The following TTC23 variants were observed in gnomAD, a reference collection of about 807,000 sequenced individuals.
TTC23 encodes tetratricopeptide repeat domain 23, also known as tetratricopeptide repeat protein 23.
A neutral mutation model predicts 55.1 loss-of-function variants in TTC23; 58 were observed. That is an observed-to-expected ratio of 1.05 (90% CI 0.85 to 1.31). TTC23 has a LOEUF of 1.31. Ranked by LOEUF, TTC23 falls within the 50% of genes most tolerant of loss-of-function variation. The probability of loss-of-function intolerance (pLI) is 0.00; values close to 1 mark genes in which losing one functional copy is unlikely to be tolerated. For missense variants in TTC23, 516 were observed against 534.4 expected, an observed-to-expected ratio of 0.97 and a Z score of 0.34; for synonymous variants, 203 against 199.9, an observed-to-expected ratio of 1.02 and a Z score of -0.13.
intron 9 of TTC23, among the ~76,000 whole-genome samples, chr15:99,199,662 A>T: frequency 6.6e-6 from 1 of 152,184 alleles, no homozygotes; most frequent in East Asian, 1.9e-4. Flanking sequence ...AATAGATATT[A>T]AAGGATAAAG....
chr15:99,228,474 T>C, intron 5 of TTC23, 59 bp downstream of exon 5: 1 of 1,423,766 alleles, frequency 7.0e-7, no homozygotes, highest in Non-Finnish European at 9.4e-7. Context: ...CTACTTCTCT[T>C]GATTATACCA....
chr15:99,143,684 A>C (rs1452822035), intron 12 of TTC23, among the ~76,000 whole-genome samples: 1 of 152,186 alleles, frequency 6.6e-6, no homozygotes, highest in Non-Finnish European at 1.5e-5. Context: ...GTGAGAAGTC[A>C]CTTGTGTTTC....
chr15:99,169,555 G>A (rs567460923), intron 10 of TTC23, among the ~76,000 whole-genome samples: 1 of 152,260 alleles, frequency 6.6e-6, no homozygotes, highest in South Asian at 2.1e-4. Context: ...TGGAACACAC[G>A]GGGCCCAAGG....
At chr15:99,192,672 T>C (rs2151972048) in intron 9 of TTC23, among the ~76,000 whole-genome samples, 2 of 152,310 alleles carry the variant, frequency 1.3e-5, no homozygotes, top group East Asian at 3.9e-4. Context: ...GCTAGGGCAG[T>C]ACAGAAGGGA....
intron 5 of TTC23, among the ~76,000 whole-genome samples, chr15:99,222,716 G>C (rs1476236304): frequency 6.6e-6 from 1 of 152,176 alleles, no homozygotes; most frequent in African/African-American, 2.4e-5. Flanking sequence ...CACGGTTCCA[G>C]GCTGGGCGTG....
chr15:99,200,284 G>C (rs28517698), intron 8 of TTC23, among the ~76,000 whole-genome samples, 188 bp from the exon 9 acceptor site: 62,783 of 151,864 alleles, frequency 0.41, 12,980 homozygotes, highest in Middle Eastern at 0.55. Flanking sequence ...GGAATCACCA[G>C]GAAGGTTCAA....
At chr15:99,151,277 TG>T in intron 12 of TTC23, 1 of 152,496 alleles carries the variant, frequency 6.6e-6, no homozygotes, top group African/African-American at 2.4e-5. Context: ...GGAAGCACCA[TG>T]TTTTTATAGC....
intron 9 of TTC23, among the ~76,000 whole-genome samples, chr15:99,197,086 T>C (rs1479423962): frequency 6.6e-6 from 1 of 151,964 alleles, no homozygotes; most frequent in Non-Finnish European, 1.5e-5. Flanking sequence ...TCACCTGCTA[T>C]ATAATGTGGT....
In TTC23 at chr15:99,142,712, C is replaced by T. The variant is rs919069619; in HGVS notation, c.1144-3313G>A. On this transcript the variant is annotated intron_variant, in intron 12 of 13. Transcript: ENST00000394132. ...ACAGCATTGGTGAATATGCACGAAT[C>T]CCCGGGAAGAATGAGAAGGCAACTG... Among the ~76,000 whole-genome samples, 17 of 152,146 alleles carry T rather than the reference C, an allele frequency of 1.1e-4. 1 individual carries two copies. The highest frequency in any genetic ancestry group is 5.9e-4 in the Admixed American group (9 of 15,272).
At chr15:99,227,409 G>A (rs545044998) in intron 5 of TTC23, among the ~76,000 whole-genome samples, 56 of 152,230 alleles carry the variant, frequency 3.7e-4, no homozygotes, top group Admixed American at 7.8e-4. Flanking sequence ...TCTGCCACAC[G>A]TAGTTCAGGT....
intron 9 of TTC23, among the ~76,000 whole-genome samples, chr15:99,176,527 G>A (rs2073574474): frequency 6.6e-6 from 1 of 152,014 alleles, no homozygotes; most frequent in African/African-American, 2.4e-5. Context: ...CGGGTGAATT[G>A]CTTTGAGCCC....
chr15:99,233,023 A>G (rs1227668909), intron 4 of TTC23, among the ~76,000 whole-genome samples: 2 of 152,210 alleles, frequency 1.3e-5, no homozygotes, highest in African/African-American at 4.8e-5. Context: ...GTTAAGTGAA[A>G]TAGCCAGGCA....
At position 99,189,521 on chromosome 15, in the gene TTC23, T is replaced by G. The variant is rs187284628; in HGVS notation, c.759+10398A>C. On this transcript the variant is annotated intron_variant, in intron 9 of 13. Transcript: ENST00000394132. ...GAAACTGTACACCACCAAGAATGGG[T>G]GATAAAAATTAGTATCACCAGAAAA... is the stretch of plus-strand genomic sequence containing the variant. 8.2e-5 allele frequency among the ~76,000 whole-genome samples: 12 copies of G among 147,210 alleles called. No individual in the cohort carries two copies. The East Asian group carries it at 2.4e-3, about 29-fold the overall frequency.
chr15:99,178,191 AAAAG>A (rs1426581150), intron 9 of TTC23, among the ~76,000 whole-genome samples: 2 of 152,202 alleles, frequency 1.3e-5, no homozygotes, highest in Admixed American at 6.5e-5. Context: ...AAAAAATAAA[AAAAG>A]AAAGTGGGTC....
chr15:99,150,117 G>A (rs1555496094), intron 12 of TTC23, among the ~76,000 whole-genome samples: 2 of 152,342 alleles, frequency 1.3e-5, no homozygotes, highest in East Asian at 3.9e-4. Context: ...CAGAGGTGCT[G>A]ATGGTTGGAA....
chr15:99,197,102 T>C (rs78509681), intron 9 of TTC23, among the ~76,000 whole-genome samples: 1 of 150,594 alleles, frequency 6.6e-6, no homozygotes, highest in African/African-American at 2.4e-5. Context: ...GTGGTTTCTG[T>C]TCTTTTTTTT....
At chr15:99,155,717 G>C (rs544637981) in intron 12 of TTC23, 1 of 180,918 alleles carries the variant, frequency 5.5e-6, no homozygotes, top group African/African-American at 2.3e-5. Context: ...CTAATTAAAT[G>C]GTGCTGGACA....
chr15:99,221,904 T>G (rs749583589), intron 5 of TTC23, 40 bp from the exon 6 acceptor site: 2 of 1,605,170 alleles, frequency 1.2e-6, no homozygotes, highest in African/African-American at 2.7e-5. Flanking sequence ...TTATACAACT[T>G]AAGAGTCACA....
At chr15:99,239,002 T>G (rs944361237) in intron 3 of TTC23, among the ~76,000 whole-genome samples, 3 of 152,198 alleles carry the variant, frequency 2.0e-5, no homozygotes, top group African/African-American at 7.2e-5. Context: ...AATGCTGGAT[T>G]TCAGGCTAAG....
Sources: gnomAD v4.1 joint callset for allele counts (sites outside exome capture counted in the v4.1 genomes callset) on GRCh38, gnomAD v4.1.1 for gene constraint, MANE v1.5 for transcripts, NCBI Gene and HGNC (gene_info 2026-07-23, HGNC 2026-07-21) for gene names.